The following PCDHA5 variants were observed in gnomAD, a reference collection of about 807,000 sequenced individuals.
PCDHA5 encodes protocadherin alpha-5.
A neutral mutation model predicts 61.6 loss-of-function variants in PCDHA5; 43 were observed. The observed-to-expected ratio is 0.70, with a 90% CI of 0.55 to 0.90. PCDHA5 has a LOEUF of 0.90. Ranked by LOEUF, PCDHA5 falls within the 40% of genes least tolerant of loss-of-function variation. The probability of loss-of-function intolerance (pLI) is 0.00; values close to 1 mark genes in which losing one functional copy is unlikely to be tolerated. For missense variants in PCDHA5, 1,298 were observed against 1,222.7 expected (o/e 1.06, Z -0.92); for synonymous variants, 627 against 543.9 (o/e 1.15, Z -2.13).
At chr5:140,998,903 G>A (rs1465203456) in intron 3 of PCDHA5, among the ~76,000 whole-genome samples, 9 of 152,156 alleles carry the variant, frequency 5.9e-5, no homozygotes, top group African/African-American at 1.7e-4. Flanking sequence ...CAATGCCTCC[G>A]GGAGGTAGCT....
Position 140,842,785 on chromosome 5 carries a change from G to C in PCDHA5, c.2352+18658G>C, listed in dbSNP as rs2150344223. On this transcript the variant is annotated intron_variant, in intron 1 of 3. Coordinates refer to ENST00000529859, the MANE Select transcript of PCDHA5 (RefSeq NM_018908.3). ...GAGACGCGGACGCGCAGGAGAACGC[G>C]CTGGTGTCCTACTCGCTTGTGGAGC... 6.5e-5 allele frequency: 103 copies of C among 1,594,472 alleles called. 8 individuals carry two copies. Among genetic ancestry groups the C allele is most frequent in the South Asian group, 4.4e-4 (40 of 90,456 alleles).
At chr5:140,949,626 G>A (rs2094403314) in intron 1 of PCDHA5, among the ~76,000 whole-genome samples, 1 of 151,546 alleles carries the variant, frequency 6.6e-6, no homozygotes, top group Non-Finnish European at 1.5e-5. Context: ...CTGTTTTCAT[G>A]GCATATTGCT....
At chr5:140,854,274 T>A in intron 1 of PCDHA5, 1 of 562,280 alleles carries the variant, frequency 1.8e-6, no homozygotes, top group Non-Finnish European at 2.3e-6. Context: ...TAGTAGAAAT[T>A]GAGTTTAGTT....
At chr5:140,877,205 G>A in intron 1 of PCDHA5, 1 of 1,613,824 alleles carries the variant, frequency 6.2e-7, no homozygotes, top group South Asian at 1.1e-5. Flanking sequence ...GGCGCAGTTA[G>A]CGAGTTGGTA....
At chr5:140,875,250 C>A in intron 1 of PCDHA5, 1 of 1,016,106 alleles carries the variant, frequency 9.8e-7, no homozygotes, top group Non-Finnish European at 1.4e-6. Context: ...CATAATCAGT[C>A]ACATGATGTC....
chr5:140,969,249 A>G (rs1586364972), intron 1 of PCDHA5: 1 of 1,614,240 alleles, frequency 6.2e-7, no homozygotes, highest in Admixed American at 1.7e-5. Flanking sequence ...GCAGTGACTG[A>G]CAGCAGGAAT....
chr5:140,835,847 G>A (rs140727991), intron 1 of PCDHA5: 20 of 1,612,228 alleles, frequency 1.2e-5, no homozygotes, highest in Non-Finnish European at 1.7e-5. Flanking sequence ...AGAAGAACGC[G>A]CTGGTGTCCT....
At chr5:140,977,283 G>A (rs2096753441) in intron 1 of PCDHA5, among the ~76,000 whole-genome samples, 1 of 152,190 alleles carries the variant, frequency 6.6e-6, no homozygotes, top group African/African-American at 2.4e-5. Context: ...CTCAAAGGAA[G>A]GTTCTCTCAG....
At chr5:140,965,555 G>A (rs1373065218) in intron 1 of PCDHA5, among the ~76,000 whole-genome samples, 4 of 151,798 alleles carry the variant, frequency 2.6e-5, no homozygotes, top group Non-Finnish European at 5.9e-5. Flanking sequence ...CCTGGCTTAG[G>A]AGATCAACAG....
chr5:140,963,861 G>A (rs2095794580), intron 1 of PCDHA5, among the ~76,000 whole-genome samples: 1 of 152,172 alleles, frequency 6.6e-6, no homozygotes, highest in Admixed American at 6.5e-5. Flanking sequence ...ATAACCGTAT[G>A]AGTTTTGCTT....
At chr5:140,843,290 C>T in intron 1 of PCDHA5, 2 of 1,595,968 alleles carry the variant, frequency 1.3e-6, no homozygotes, top group Non-Finnish European at 1.7e-6. Context: ...TCATGGTGAA[C>T]CTGCGCTGAC....
At chr5:140,943,136 T>A (rs1554215378) in intron 1 of PCDHA5, among the ~76,000 whole-genome samples, 1 of 151,240 alleles carries the variant, frequency 6.6e-6, no homozygotes, top group Non-Finnish European at 1.5e-5. Flanking sequence ...TGGGTGCCTG[T>A]AGTCCCAGCT....
Position 140,938,882 on chromosome 5 carries a change from C to T in PCDHA5, c.2353-40067C>T, listed in dbSNP as rs529115064. On this transcript the variant is annotated intron_variant, in intron 1 of 3. Transcript: ENST00000529859. ...AACTTAAAAGTTAAGAAGCAACACA[C>T]ACACACACAGATGCGCACACACACA... is the stretch of plus-strand genomic sequence containing the variant. Among the ~76,000 whole-genome samples the T allele has an allele frequency of 3.3e-5, 5 of 152,218 alleles. No individual in the cohort carries two copies. The South Asian group carries it at 1.0e-3, about 32-fold the overall frequency.
At chr5:140,919,545 T>C (rs572558911) in intron 1 of PCDHA5, among the ~76,000 whole-genome samples, 15 of 152,314 alleles carry the variant, frequency 9.8e-5, no homozygotes, top group African/African-American at 3.6e-4. Flanking sequence ...ACTTTTCATT[T>C]ACTGATTTAT....
At chr5:140,964,062 C>T (rs1257577051) in intron 1 of PCDHA5, among the ~76,000 whole-genome samples, 1 of 152,124 alleles carries the variant, frequency 6.6e-6, no homozygotes, top group Middle Eastern at 3.2e-3. Flanking sequence ...GTGGTCAAGG[C>T]ATTAGTGTTA....
chr5:140,883,289 C>T, intron 1 of PCDHA5: 2 of 1,614,022 alleles, frequency 1.2e-6, no homozygotes, highest in African/African-American at 1.3e-5. Context: ...GGTGGAAGTA[C>T]TAGATGTAAA....
In PCDHA5 at chr5:140,823,360, C is replaced by T. The variant is rs1470640408; in HGVS notation, c.1585C>T (p.Leu529=). 9.9e-6 allele frequency: 16 copies of T among 1,612,570 alleles called. No homozygotes were observed. The African/African-American group carries it at 1.7e-4, about 17-fold the overall frequency. The stretch of plus-strand genomic sequence containing the variant: ...GCCGCTGGACCACGAGGAAGTGGAG[C>T]TGCTGCAGTTCCAGGTGAGCGCGCG... ...LQPLDHEEVE[L]LQFQVSARDA... The change falls in exon 1 of 4, where the codon CTG becomes TTG. Residue 529 remains leucine (L), a synonymous_variant. Coordinates refer to ENST00000529859, the MANE Select transcript of PCDHA5 (RefSeq NM_018908.3).
At chr5:140,883,474 G>C in intron 1 of PCDHA5, 1 of 1,614,126 alleles carries the variant, frequency 6.2e-7, no homozygotes, top group Middle Eastern at 1.7e-4. Flanking sequence ...CCACCTACAA[G>C]AACTACTACT....
At position 141,009,666 on chromosome 5, in the gene PCDHA5, G is replaced by T; in HGVS notation, c.2540G>T (p.Gly847Val). Residue 847 changes from glycine to valine, a missense_variant, in exon 4 of 4, where the codon GGT becomes GTT. Physicochemically the swap from Gly to Val is moderately radical, Grantham distance 109. Coordinates refer to ENST00000529859, the MANE Select transcript of PCDHA5 (RefSeq NM_018908.3). ...GAAGTGTCCCCTCCAGTCGGTGCGG[G>T]TGTCAACAGCAACAGCTGGACCTTT... ...AGEVSPPVGAGVNSNSWTFKY... is the reference protein window; with the variant it reads ...AGEVSPPVGAVVNSNSWTFKY... The T allele has an allele frequency of 1.2e-6, 2 of 1,614,080 alleles. No individual in the cohort carries two copies. The highest frequency in any genetic ancestry group is 1.7e-6 in the Non-Finnish European group (2 of 1,180,022).
Sources: gnomAD v4.1 joint callset for allele counts (sites outside exome capture counted in the v4.1 genomes callset) on GRCh38, gnomAD v4.1.1 for gene constraint, MANE v1.5 for transcripts, NCBI Gene and HGNC (gene_info 2026-07-23, HGNC 2026-07-21) for gene names.